The following TGFBR2 variants were observed in gnomAD, a reference collection of about 807,000 sequenced individuals.
TGFBR2 encodes the protein transforming growth factor beta receptor 2.
A neutral mutation model predicts 49.0 loss-of-function variants in TGFBR2; 18 were observed. The observed-to-expected ratio is 0.37, with a 90% confidence interval of 0.25 to 0.54. The LOEUF (loss-of-function observed/expected upper bound fraction) is 0.54, where lower values mean the gene tolerates loss of function less well. TGFBR2 is among the 20% of genes least tolerant of loss of function. TGFBR2 has a pLI of 0.85. For missense variants in TGFBR2, 525 were observed against 722.6 expected, an observed-to-expected ratio of 0.73 and a Z score of 3.13; for synonymous variants, 282 against 275.9, an observed-to-expected ratio of 1.02 and a Z score of -0.22.
chr3:30,660,950 G>T (rs550844619), intron 3 of TGFBR2, among the ~76,000 whole-genome samples: 44 of 152,294 alleles, frequency 2.9e-4, no homozygotes, highest in African/African-American at 1.0e-3. Flanking sequence ...GAAGCCTGTG[G>T]TTCACCTGGA....
At position 30,652,885 on chromosome 3, in the gene TGFBR2, A is replaced by G. The variant is rs1265553735; in HGVS notation, c.454+2425A>G. Among the ~76,000 whole-genome samples the G allele has an allele frequency of 2.6e-5, 4 of 152,236 alleles. No individual in the cohort carries two copies. The East Asian group carries it at 7.7e-4, about 29-fold the overall frequency. On this transcript the variant is annotated intron_variant, in intron 3 of 6. Transcript: ENST00000295754. ...ATCATGCATTTTATATTTTACTATG[A>G]GCCTTTCAGATACTAATGACTTCCA...
intron 5 of TGFBR2, among the ~76,000 whole-genome samples, chr3:30,681,160 GAAAAAAAAAAA>G (rs55729736): frequency 1.2e-5 from 1 of 83,004 alleles, no homozygotes; most frequent in African/African-American, 4.9e-5. Context: ...CTTGTGAGAT[GAAAAAAAAAAA>G]AAAAAAAAAA....
intron 1 of TGFBR2, among the ~76,000 whole-genome samples, chr3:30,638,027 G>A (rs1698571539): frequency 6.6e-6 from 1 of 152,196 alleles, no homozygotes; most frequent in Admixed American, 6.5e-5. Flanking sequence ...TTCAAAATGA[G>A]TTAGGTGAAA....
chr3:30,622,321 A>T, intron 1 of TGFBR2, among the ~76,000 whole-genome samples: 1 of 152,144 alleles, frequency 6.6e-6, no homozygotes, highest in East Asian at 1.9e-4. Flanking sequence ...AAATGAAATG[A>T]TCAGACTCAG....
At chr3:30,618,303 C>T (rs1293230669) in intron 1 of TGFBR2, among the ~76,000 whole-genome samples, 2 of 149,470 alleles carry the variant, frequency 1.3e-5, no homozygotes, top group Non-Finnish European at 3.0e-5. Flanking sequence ...AATCTCGGCT[C>T]GCTGCAACCT....
At chr3:30,681,368 C>G (rs1481105080) in intron 5 of TGFBR2, among the ~76,000 whole-genome samples, 1 of 152,040 alleles carries the variant, frequency 6.6e-6, no homozygotes, top group African/African-American at 2.4e-5. Context: ...AAACCATCAA[C>G]AACTTTGCTG....
At chr3:30,627,627 G>C (rs1018391895) in intron 1 of TGFBR2, among the ~76,000 whole-genome samples, 3 of 151,682 alleles carry the variant, frequency 2.0e-5, no homozygotes, top group Non-Finnish European at 2.9e-5. Context: ...TTTCTGCAGA[G>C]ATGAAAATAT....
chr3:30,648,708 T>G (rs1313417271), intron 2 of TGFBR2, among the ~76,000 whole-genome samples: 1 of 152,116 alleles, frequency 6.6e-6, no homozygotes. Flanking sequence ...CTCTTGTGTC[T>G]TTCGGAATTC....
At chr3:30,683,945 G>A (rs1445201515) in intron 5 of TGFBR2, among the ~76,000 whole-genome samples, 3 of 152,116 alleles carry the variant, frequency 2.0e-5, no homozygotes, top group African/African-American at 4.8e-5. Flanking sequence ...ACCTCCTCTC[G>A]CAGGGTTCAG....
intron 1 of TGFBR2, among the ~76,000 whole-genome samples, chr3:30,609,863 A>G (rs1188516813): frequency 1.3e-5 from 2 of 152,154 alleles, no homozygotes; most frequent in Non-Finnish European, 2.9e-5. Flanking sequence ...AGGCCACTCA[A>G]CATCTTATTT....
At chr3:30,674,536 G>A (rs752763556) in intron 5 of TGFBR2, among the ~76,000 whole-genome samples, 6 of 152,088 alleles carry the variant, frequency 3.9e-5, no homozygotes, top group East Asian at 1.9e-4. Context: ...GGCAAGAGAC[G>A]AATACTAATA....
At chr3:30,612,591 A>G (rs1448761866) in intron 1 of TGFBR2, among the ~76,000 whole-genome samples, 1 of 152,208 alleles carries the variant, frequency 6.6e-6, no homozygotes, top group East Asian at 1.9e-4. Context: ...AGGAAACTCT[A>G]CAGCCCACAG....
chr3:30,678,374 C>CA (rs1388417769), intron 5 of TGFBR2, among the ~76,000 whole-genome samples: 4 of 151,802 alleles, frequency 2.6e-5, no homozygotes, highest in African/African-American at 9.7e-5. Context: ...GGTGAAACCC[C>CA]GTCTCTACTA....
intron 5 of TGFBR2, among the ~76,000 whole-genome samples, chr3:30,686,284 G>A (rs3773660): frequency 0.12 from 17,916 of 152,148 alleles, 1,215 homozygotes; most frequent in East Asian, 0.32. Flanking sequence ...TTGAAGATAA[G>A]GAATGAAAGA....
chr3:30,663,397 G>C (rs1699182955), intron 3 of TGFBR2, among the ~76,000 whole-genome samples: 1 of 152,144 alleles, frequency 6.6e-6, no homozygotes, highest in Non-Finnish European at 1.5e-5. Flanking sequence ...ACTTTGATTT[G>C]AATAGGTCAG....
intron 3 of TGFBR2, 65 bp from the exon 4 acceptor site, chr3:30,671,573 C>T: frequency 6.5e-7 from 1 of 1,528,160 alleles, no homozygotes; most frequent in Non-Finnish European, 9.1e-7. Context: ...GGCATGAACC[C>T]ACTTCCTGAC....
At chr3:30,682,824 T>C (rs1164738333) in intron 5 of TGFBR2, among the ~76,000 whole-genome samples, 1 of 152,180 alleles carries the variant, frequency 6.6e-6, no homozygotes, top group African/African-American at 2.4e-5. Flanking sequence ...TCCCATAAGG[T>C]TCCCCTTCTC....
chr3:30,649,013 G>T (rs17025910), intron 2 of TGFBR2, among the ~76,000 whole-genome samples: 2,356 of 152,192 alleles, frequency 0.015, 32 homozygotes, highest in Non-Finnish European at 0.024. Flanking sequence ...CGTTTTCCTT[G>T]CTGTGAGCAG....
chr3:30,671,509 TAAC>T (rs1235812610), intron 3 of TGFBR2, 126 bp from the exon 4 acceptor site: 1 of 936,606 alleles, frequency 1.1e-6, no homozygotes, highest in African/African-American at 1.6e-5. Context: ...AAATAAAAAT[TAAC>T]AATATCGTAT....
Sources: gnomAD v4.1 joint callset for allele counts (sites outside exome capture counted in the v4.1 genomes callset) on GRCh38, gnomAD v4.1.1 for gene constraint, MANE v1.5 for transcripts, NCBI Gene and HGNC (gene_info 2026-07-23, HGNC 2026-07-21) for gene names.